The following PCDH10 variants were observed in gnomAD, a reference collection of about 807,000 sequenced individuals.
PCDH10 encodes protocadherin 10.
PCDH10 carries 15 observed loss-of-function variants against 74.4 expected under a neutral mutation model. That is an observed-to-expected ratio of 0.20 (90% CI 0.13 to 0.31). The LOEUF (loss-of-function observed/expected upper bound fraction) is 0.31, where lower values mean the gene tolerates loss of function less well. Ranked by LOEUF, PCDH10 falls within the 10% of genes least tolerant of loss-of-function variation. The probability of loss-of-function intolerance (pLI) is 1.00; values close to 1 mark genes in which losing one functional copy is unlikely to be tolerated. For synonymous variants in PCDH10, 619 were observed against 589.8 expected (o/e 1.05, Z -0.72); for missense variants, 1,260 against 1,390.2 (o/e 0.91, Z 1.49).
At chr4:133,152,896 TG>T in intron 1 of PCDH10, 125 bp downstream of exon 1, 1 of 1,478,798 alleles carries the variant, frequency 6.8e-7, no homozygotes, top group South Asian at 1.4e-5. Context: ...TGTATCGTTG[TG>T]GGAGCAGAGA....
chr4:133,153,523 C>A (rs2125859649), intron 1 of PCDH10: 1 of 152,394 alleles, frequency 6.6e-6, no homozygotes. Flanking sequence ...GGATAAATCA[C>A]GCTGTTGGCT....
chr4:133,160,293 A>G (rs1726941081), intron 3 of PCDH10, among the ~76,000 whole-genome samples: 1 of 151,846 alleles, frequency 6.6e-6, no homozygotes, highest in Admixed American at 6.6e-5. Flanking sequence ...TTACTAAAGG[A>G]CTTCCACTTT....
chr4:133,184,773 A>AT (rs1727500831), intron 4 of PCDH10, among the ~76,000 whole-genome samples: 1 of 136,866 alleles, frequency 7.3e-6, no homozygotes, highest in Non-Finnish European at 1.5e-5. Context: ...TAAATATATA[A>AT]ATATATATAT....
At chr4:133,205,266 A>G (rs1467235892) in intron 2 of PCDH10, among the ~76,000 whole-genome samples, 5 of 151,880 alleles carry the variant, frequency 3.3e-5, no homozygotes, top group African/African-American at 4.8e-5. Context: ...AAAGACCAAA[A>G]CTCTGTGAAC....
downstream of PCDH10, among the ~76,000 whole-genome samples, chr4:133,197,081 T>G (rs1255141021): frequency 6.6e-6 from 1 of 152,174 alleles, no homozygotes; most frequent in Non-Finnish European, 1.5e-5. Context: ...ATCAGTGGTA[T>G]GGAGTACAGG....
At chr4:133,177,011 T>A (rs541252364) in intron 4 of PCDH10, among the ~76,000 whole-genome samples, 1 of 151,822 alleles carries the variant, frequency 6.6e-6, no homozygotes, top group African/African-American at 2.4e-5. Flanking sequence ...AATGTCCATA[T>A]AGAATTTGAC....
intron 4 of PCDH10, among the ~76,000 whole-genome samples, chr4:133,170,129 T>C (rs115931175): frequency 0.025 from 3,790 of 152,120 alleles, 75 homozygotes; most frequent in Middle Eastern, 0.11. Context: ...CGTAATTACA[T>C]ACCAAAAGAC....
At chr4:133,205,510 C>T (rs1374651704) in intron 2 of PCDH10, among the ~76,000 whole-genome samples, 1 of 152,134 alleles carries the variant, frequency 6.6e-6, no homozygotes, top group Non-Finnish European at 1.5e-5. Flanking sequence ...CATTTTCATC[C>T]ATGTTGCAGT....
chr4:133,151,474 C>T lies in PCDH10; in HGVS notation c.1334C>T (p.Thr445Ile), dbSNP rs1232469238. 1 of 1,613,968 alleles carries T rather than the reference C, an allele frequency of 6.2e-7. No individual in the cohort carries two copies. The highest frequency in any genetic ancestry group is 1.7e-5 in the Admixed American group (1 of 60,030). Reference protein sequence around the residue: ...ARDRGEPALSTSKSIQVQVSD... With the variant: ...ARDRGEPALSISKSIQVQVSD... ...GACCGGGGCGAGCCTGCGCTCTCCACCAGTAAGTCGATCCAGGTACAAGTG... is the reference window on the plus strand; with the variant it reads ...GACCGGGGCGAGCCTGCGCTCTCCATCAGTAAGTCGATCCAGGTACAAGTG... The change falls in exon 1 of 5, where the codon ACC (threonine) becomes ATC (isoleucine). Residue 445 changes from threonine (T) to isoleucine (I), a missense_variant. Thr to Ile is a moderately conservative substitution (Grantham distance 89). Transcript: ENST00000264360.
At chr4:133,154,177 T>C (rs543576864) in intron 1 of PCDH10, 130 bp from the exon 2 acceptor site, 3 of 653,216 alleles carry the variant, frequency 4.6e-6, no homozygotes, top group South Asian at 3.8e-5. Flanking sequence ...GATGAGGTTT[T>C]AGGAGAGCTT....
rs184811459 is a variant in PCDH10, at chr4:133,202,067, A to G, written n.438-6009A>G. ...CCTTGAAGCCTTGGCATCAGTTTATATCTTTGTGATAAGTAGATTGCTATG... is the reference window on the plus strand; with the variant it reads ...CCTTGAAGCCTTGGCATCAGTTTATGTCTTTGTGATAAGTAGATTGCTATG... On this transcript the variant is annotated intron_variant and non_coding_transcript_variant, in intron 2 of 2. Transcript: ENST00000511112. Among the ~76,000 whole-genome samples the G allele has an allele frequency of 4.2e-4, 64 of 152,164 alleles. 3 individuals carry two copies. In the East Asian group the frequency reaches 6.2e-3, roughly 15 times the overall value.
intron 4 of PCDH10, among the ~76,000 whole-genome samples, chr4:133,173,141 G>T (rs2064082911): frequency 6.6e-6 from 1 of 151,952 alleles, no homozygotes; most frequent in South Asian, 2.1e-4. Flanking sequence ...TTAGAAGATT[G>T]TGACAAATTG....
chr4:133,151,476 A>G lies in PCDH10; in HGVS notation c.1336A>G (p.Ser446Gly), dbSNP rs901705818. The G allele has an allele frequency of 1.2e-6, 2 of 1,613,878 alleles. No individual in the cohort carries two copies. Among genetic ancestry groups the G allele is most frequent in the Admixed American group, 1.7e-5 (1 of 60,020 alleles). ...CCGGGGCGAGCCTGCGCTCTCCACC[A>G]GTAAGTCGATCCAGGTACAAGTGTC... The part of the protein sequence containing the change: ...RDRGEPALST[S>G]KSIQVQVSDV... Residue 446 changes from serine (S) to glycine (G), a missense_variant, in exon 1 of 5, where the codon AGT becomes GGT. Physicochemically the swap from Ser to Gly is moderately conservative, Grantham distance 56. Transcript: ENST00000264360.
intron 2 of PCDH10, among the ~76,000 whole-genome samples, chr4:133,207,120 T>G (rs1418491118): frequency 6.6e-6 from 1 of 152,120 alleles, no homozygotes; most frequent in Non-Finnish European, 1.5e-5. Flanking sequence ...AAAGTAATTT[T>G]AAATCAATAA....
chr4:133,183,563 G>C (rs1444771405), intron 4 of PCDH10, among the ~76,000 whole-genome samples: 1 of 152,006 alleles, frequency 6.6e-6, no homozygotes, highest in African/African-American at 2.4e-5. Flanking sequence ...AATGAAATTT[G>C]GTTTAAAAAT....
intron 2 of PCDH10, among the ~76,000 whole-genome samples, chr4:133,200,959 T>C (rs1727896903): frequency 6.6e-6 from 1 of 150,748 alleles, no homozygotes; most frequent in African/African-American, 2.5e-5. Flanking sequence ...TATAAGGCAC[T>C]GTTAAATTTG....
rs1277812021 is a variant in PCDH10 at position 133,154,893 on chromosome 4, A to C, written c.2691-24A>C. 4 of 1,449,454 alleles carry C rather than the reference A, an allele frequency of 2.8e-6. No homozygotes were observed. The Admixed American group carries it at 6.7e-5, about 24-fold the overall frequency. 89.8% of individuals were successfully genotyped at this position (1,449,454 alleles called of 1,614,324 possible). Reference sequence around the variant, plus strand: ...GTGTTTCTTCACCTTTTTTATTCTAATATTCACATTTTTGTACTTCTAGTT... The same window carrying C: ...GTGTTTCTTCACCTTTTTTATTCTACTATTCACATTTTTGTACTTCTAGTT... On this transcript the variant is annotated intron_variant, in intron 2 of 4. Transcript: ENST00000264360.
rs1726737300 is a variant in PCDH10 at position 133,152,340 on chromosome 4, A to G, written c.2200A>G (p.Ile734Val). 2.5e-6 allele frequency: 4 copies of G among 1,614,062 alleles called. No homozygotes were observed. The East Asian group carries it at 8.9e-5, about 36-fold the overall frequency. ...SVSFIFLLAM[I>V]VLAVRCQKEK... is the part of the protein sequence containing the mutation. ...GTCCTTCATCTTCCTGCTGGCCATG[A>G]TCGTGCTGGCCGTGCGTTGCCAAAA... Residue 734 changes from isoleucine to valine, a missense_variant, in exon 1 of 5, where the codon ATC becomes GTC. Coordinates refer to ENST00000264360, the MANE Select transcript of PCDH10 (RefSeq NM_032961.3).
intron 4 of PCDH10, among the ~76,000 whole-genome samples, chr4:133,173,803 T>A (rs1386802455): frequency 6.6e-6 from 1 of 151,788 alleles, no homozygotes; most frequent in Non-Finnish European, 1.5e-5. Context: ...AATATTAAGA[T>A]ATTGTAGTTT....
Sources: gnomAD v4.1 joint callset for allele counts (sites outside exome capture counted in the v4.1 genomes callset) on GRCh38, gnomAD v4.1.1 for gene constraint, MANE v1.5 for transcripts, NCBI Gene and HGNC (gene_info 2026-07-23, HGNC 2026-07-21) for gene names.